ADAR: variants seen among roughly 807,000 people sequenced by gnomAD.
ADAR encodes the protein adenosine deaminase RNA specific.
In ADAR, 41 loss-of-function variants were observed where a neutral mutation model predicts 113.2. The observed-to-expected ratio is 0.36, with a 90% CI of 0.28 to 0.47. The LOEUF (loss-of-function observed/expected upper bound fraction) is 0.47. Among genes scored for constraint, ADAR ranks in the 20% least tolerant of loss-of-function variants. The pLI is 1.00. For synonymous variants in ADAR, 605 were observed against 572.6 expected, an observed-to-expected ratio of 1.06 and a Z score of -0.81; for missense variants, 1,242 against 1,540.9, an observed-to-expected ratio of 0.81 and a Z score of 3.25.
chr1:154,601,062 C>T lies in ADAR; in HGVS notation c.1580G>A (p.Ser527Asn), dbSNP rs1478218601. The part of the protein sequence containing the change: ...QTCEFNMIEQ[S>N]GPPHEPRFKF... ...TTACCGAGGTTCATGGGGTGGTCCA[C>T]TCTGCTCTATCATGTTGAACTCACA... The change falls in exon 2 of 15, where the codon AGT (serine) becomes AAT (asparagine). Residue 527 changes from serine to asparagine, a missense_variant. By Grantham distance (46) the Ser-to-Asn change is conservative (BLOSUM62 1). This residue lies in a region of ADAR where 780 missense variants were observed against 1,057.9 expected (regional missense o/e 0.74). Coordinates refer to ENST00000368474, the MANE Select transcript of ADAR (RefSeq NM_001111.5). This position sits in a 1 kb window ranked among gnomAD's most constrained non-coding sequence, Gnocchi z 4.7. 3 of 1,614,090 alleles carry T rather than the reference C, an allele frequency of 1.9e-6. No individual in the cohort carries two copies. Among genetic ancestry groups the T allele is most frequent in the Non-Finnish European group, 2.5e-6 (3 of 1,180,054 alleles).
intron 6 of ADAR, among the ~76,000 whole-genome samples, chr1:154,595,292 G>C (rs1697420899): frequency 1.3e-5 from 2 of 152,074 alleles, no homozygotes; most frequent in African/African-American, 4.8e-5. Context: ...AGAAAAATAA[G>C]TAACTAAAAA....
intron 6 of ADAR, 131 bp downstream of exon 6, chr1:154,596,674 G>T: frequency 1.0e-6 from 1 of 979,662 alleles, no homozygotes; most frequent in Non-Finnish European, 1.6e-6. Flanking sequence ...AGGCCGTGGA[G>T]ACAGGGCTGG....
chr1:154,587,676 C>G (rs1054730244), intron 11 of ADAR, among the ~76,000 whole-genome samples: 2 of 152,184 alleles, frequency 1.3e-5, no homozygotes, highest in Non-Finnish European at 2.9e-5. Flanking sequence ...AGCCAGTGGA[C>G]AAGGCAGAGT....
chr1:154,595,307 C>T (rs571957140), intron 6 of ADAR, among the ~76,000 whole-genome samples: 1 of 152,240 alleles, frequency 6.6e-6, no homozygotes, highest in Non-Finnish European at 1.5e-5. Flanking sequence ...TAAAAAAAGC[C>T]TCAGGCAGGT....
At chr1:154,585,652 G>T in intron 13 of ADAR, 101 bp downstream of exon 13, 1 of 1,078,766 alleles carries the variant, frequency 9.3e-7, no homozygotes, top group Non-Finnish European at 1.4e-6. Context: ...CTACCACTGT[G>T]GGCAATGTTC....
Position 154,601,378 on chromosome 1 carries a change from T to A in ADAR, c.1264A>T (p.Arg422Trp). The change falls in exon 2 of 15, where the codon AGG becomes TGG. Residue 422 changes from arginine to tryptophan, a missense_variant. By Grantham distance (101) the Arg-to-Trp change is moderately radical. Transcript: ENST00000368474. This position sits in a 1 kb window ranked among gnomAD's most constrained non-coding sequence, Gnocchi z 4.7. The part of the protein sequence containing the change: ...GQEPVIKLEN[R>W]QEARPEPARL... ...GCTGGTTCTGGTCTGGCCTCTTGCC[T>A]GTTTTCTAACTTTATGACAGGTTCC... 6.2e-7 allele frequency: 1 copy of A among 1,614,254 alleles called. No homozygotes were observed.
chr1:154,618,326 G>A (rs1698690383), intron 1 of ADAR, among the ~76,000 whole-genome samples: 1 of 152,046 alleles, frequency 6.6e-6, no homozygotes, highest in Admixed American at 6.6e-5. Context: ...AGTCTCAAAT[G>A]TGATGGCAGA....
intron 12 of ADAR, 139 bp downstream of exon 12, chr1:154,586,041 TG>T: frequency 8.0e-7 from 1 of 1,252,692 alleles, no homozygotes; most frequent in Non-Finnish European, 1.2e-6. Context: ...CACAGCAGAC[TG>T]GACACTCAAT....
At position 154,626,608 on chromosome 1, in the gene ADAR, A is replaced by G. The variant is rs560891643; in HGVS notation, c.-871+1247T>C. 3.3e-5 allele frequency among the ~76,000 whole-genome samples: 5 copies of G among 152,362 alleles called. No homozygotes were observed. The South Asian group carries it at 1.0e-3, about 32-fold the overall frequency. On this transcript the variant is annotated intron_variant, in intron 1 of 14. Coordinates refer to the ADAR transcript ENST00000368471. Reference sequence around the variant, plus strand: ...GCTGTACCAATAGGAAACCTTCAGCAAGGGAGCAAGTCCAAGCTCCTGGGT... The same window carrying G: ...GCTGTACCAATAGGAAACCTTCAGCGAGGGAGCAAGTCCAAGCTCCTGGGT...
chr1:154,606,341 A>AT (rs1252989520), intron 1 of ADAR, among the ~76,000 whole-genome samples: 9 of 152,076 alleles, frequency 5.9e-5, no homozygotes, highest in Admixed American at 3.9e-4. Flanking sequence ...CAGTTATTTT[A>AT]TTTTTTTAAA....
upstream of ADAR, among the ~76,000 whole-genome samples, chr1:154,609,861 C>T (rs534568361): frequency 5.9e-5 from 9 of 152,318 alleles, no homozygotes; most frequent in East Asian, 1.7e-3. Context: ...TCAGTAATCA[C>T]AATTATCATG....
intron 13 of ADAR, 29 bp downstream of exon 13, chr1:154,585,724 T>A: frequency 6.4e-7 from 1 of 1,571,204 alleles, no homozygotes; most frequent in Non-Finnish European, 8.8e-7. Flanking sequence ...GAGGAAAATG[T>A]CAGGGAAAAT....
At position 154,596,663 on chromosome 1, in the gene ADAR, G is replaced by A. The variant is rs1022401597; in HGVS notation, c.2270+142C>T. The stretch of plus-strand genomic sequence containing the variant: ...TCTTGGCAGGTCTATTGTCTTCTAA[G>A]AGGCCGTGGAGACAGGGCTGGACTT... On this transcript the variant is annotated intron_variant, in intron 6 of 14. Coordinates refer to ENST00000368474, the MANE Select transcript of ADAR (RefSeq NM_001111.5). 4.1e-5 allele frequency: 35 copies of A among 862,006 alleles called. No individual in the cohort carries two copies. In the African/African-American group the frequency reaches 5.6e-4, roughly 14 times the overall value. 53.4% of individuals were successfully genotyped at this position (862,006 alleles called of 1,614,324 possible). A position where few individuals can be genotyped will look rare whatever the true frequency, so the allele number is the denominator to read the frequency against.
chr1:154,589,728 G>A (rs763826690), intron 8 of ADAR, 29 bp downstream of exon 8: 13 of 1,613,924 alleles, frequency 8.1e-6, no homozygotes, highest in South Asian at 1.1e-5. Context: ...GGCGCCATGG[G>A]AGGCGGCATG....
chr1:154,605,799 A>G (rs1034038737), intron 1 of ADAR, among the ~76,000 whole-genome samples: 3 of 152,134 alleles, frequency 2.0e-5, no homozygotes, highest in Non-Finnish European at 4.4e-5. Context: ...TGGCTCCCAG[A>G]GCTGAATTAT....
chr1:154,590,341 C>G lies in ADAR; in HGVS notation c.2339G>C (p.Gly780Ala), dbSNP rs1297548892. 1 of 1,614,168 alleles carries G rather than the reference C, an allele frequency of 6.2e-7. No homozygotes were observed. The highest frequency in any genetic ancestry group is 8.5e-7 in the Non-Finnish European group (1 of 1,180,040). The change falls in exon 7 of 15, where the codon GGC becomes GCC. Residue 780 changes from glycine (G) to alanine (A), a missense_variant. Gly to Ala is a moderately conservative substitution (Grantham distance 60). Around this residue, in one of 2 missense-constraint regions of ADAR, gnomAD observed 780 missense variants for 1,057.9 expected, o/e 0.74. Coordinates refer to ENST00000368474, the MANE Select transcript of ADAR (RefSeq NM_001111.5). ...PAVCAHSKKQGKQEAADAALR... is the reference protein window; with the variant it reads ...PAVCAHSKKQAKQEAADAALR... ...AGCCGCATCTGCTGCTTCCTGCTTG[C>G]CTTGCTTCTTGCTGTGTGCGCAGAC... is the stretch of plus-strand genomic sequence containing the variant.
At chr1:154,608,801 G>A (rs1224752982), upstream of ADAR, 2 of 150,572 alleles carry the variant, frequency 1.3e-5, no homozygotes, top group Non-Finnish European at 3.0e-5. Context: ...CCGCGCCAGC[G>A]CGGTGGTGGC....
chr1:154,585,992 G>A, intron 12 of ADAR, 127 bp from the exon 13 acceptor site: 1 of 1,177,200 alleles, frequency 8.5e-7, no homozygotes, highest in East Asian at 2.5e-5. Flanking sequence ...TGCCTTGTTA[G>A]GAAGCACCTT....
chr1:154,607,926 C>A, intron 1 of ADAR, 66 bp downstream of exon 1: 1 of 1,607,302 alleles, frequency 6.2e-7, no homozygotes, highest in South Asian at 1.1e-5. Context: ...CGCACTGCAA[C>A]ACAAAGCCTG....
Sources: gnomAD v4.1 joint callset for allele counts (sites outside exome capture counted in the v4.1 genomes callset) on GRCh38, gnomAD v4.1.1 for gene constraint, gnomAD v4.1.1 regional missense constraint, Gnocchi (gnomAD v3.1) non-coding constraint, MANE v1.5 for transcripts, NCBI Gene and HGNC (gene_info 2026-07-23, HGNC 2026-07-21) for gene names.